CPS1: variants seen among roughly 807,000 people sequenced by gnomAD.
The protein encoded by CPS1 is carbamoyl-phosphate synthase 1, also known as carbamoyl-phosphate synthase [ammonia], mitochondrial.
A neutral mutation model predicts 174.6 loss-of-function variants in CPS1; 109 were observed. The observed-to-expected ratio is 0.62, with a 90% CI of 0.53 to 0.73. The LOEUF is 0.73. Among genes scored for constraint, CPS1 ranks in the 30% least tolerant of loss-of-function variants. The pLI is 0.00. For missense variants in CPS1, 1,689 were observed against 1,821.9 expected, an observed-to-expected ratio of 0.93 and a Z score of 1.33; for synonymous variants, 637 against 632.0, an observed-to-expected ratio of 1.01 and a Z score of -0.12.
At chr2:210,591,560 G>A (rs1275719941) in intron 9 of CPS1, among the ~76,000 whole-genome samples, 1 of 151,842 alleles carries the variant, frequency 6.6e-6, no homozygotes, top group Non-Finnish European at 1.5e-5. Context: ...AACCCTTTTT[G>A]TTATGAGTGC....
At chr2:210,675,672 C>T in intron 35 of CPS1, 56 bp from the exon 36 acceptor site, 3 of 857,140 alleles carry the variant, frequency 3.5e-6, no homozygotes, top group East Asian at 2.4e-5. Flanking sequence ...TTACATGTTC[C>T]ATAAAAATAA....
At chr2:210,572,892 T>C (rs1697561916) in intron 1 of CPS1, among the ~76,000 whole-genome samples, 1 of 152,032 alleles carries the variant, frequency 6.6e-6, no homozygotes, top group African/African-American at 2.4e-5. Context: ...TGATGAGCTG[T>C]ATGGTACAAT....
At chr2:210,487,111 A>G (rs1157177395) in intron 1 of CPS1, among the ~76,000 whole-genome samples, 1 of 152,196 alleles carries the variant, frequency 6.6e-6, no homozygotes, top group East Asian at 1.9e-4. Context: ...ATTTTTTGGA[A>G]ATGAAGTATA....
Position 210,599,356 on chromosome 2 carries a change from C to CT in CPS1, c.1360-12dup. On this transcript the variant is annotated splice_polypyrimidine_tract_variant and intron_variant, in intron 13 of 37. Coordinates refer to ENST00000233072, the MANE Select transcript of CPS1 (RefSeq NM_001875.5). ...AGACCATATATTCATGTACTGGATT[C>CT]TTTTGTTTCTTTCAGGAAGAAAATG... 6.2e-7 allele frequency: 1 copy of CT among 1,610,576 alleles called. No homozygotes were observed. The highest frequency in any genetic ancestry group is 2.2e-5 in the East Asian group (1 of 44,704).
Position 210,599,438 on chromosome 2 carries a change from T to C in CPS1, c.1426T>C (p.Leu476=), listed in dbSNP as rs1445507619. 1 of 1,612,510 alleles carries C rather than the reference T, an allele frequency of 6.2e-7. No individual in the cohort carries two copies. The highest frequency in any genetic ancestry group is 2.2e-5 in the East Asian group (1 of 44,828). The change falls in exon 14 of 38, where the codon TTA becomes CTA. Residue 476 remains leucine, a synonymous_variant. Transcript: ENST00000233072. ...ATCAGTCCAGACCAATGAGGTGGGC[T>C]TAAAGCAAGCGGATACTGTCTACTT... ...IASVQTNEVG[L]KQADTVYFLP...
chr2:210,505,795 T>C (rs572655863), intron 1 of CPS1, among the ~76,000 whole-genome samples: 2 of 152,284 alleles, frequency 1.3e-5, no homozygotes, highest in South Asian at 4.1e-4. Flanking sequence ...TCATTGCTAA[T>C]ACAGCAGTCT....
intron 1 of CPS1, among the ~76,000 whole-genome samples, chr2:210,514,817 C>G (rs1393016924): frequency 6.9e-6 from 1 of 144,664 alleles, no homozygotes; most frequent in East Asian, 2.0e-4. Context: ...TAGTGTGATG[C>G]TGGTTGTGCA....
intron 21 of CPS1, among the ~76,000 whole-genome samples, chr2:210,620,047 A>T (rs1233806279): frequency 2.0e-5 from 3 of 152,118 alleles, no homozygotes; most frequent in Non-Finnish European, 4.4e-5. Context: ...ACAAGCCTGC[A>T]TGTTCTGTAC....
At chr2:210,621,529 T>C (rs1421459068) in intron 21 of CPS1, among the ~76,000 whole-genome samples, 3 of 152,148 alleles carry the variant, frequency 2.0e-5, no homozygotes, top group Non-Finnish European at 4.4e-5. Flanking sequence ...CTTTCACATA[T>C]TGTGCTCTTC....
At chr2:210,635,921 AGGGAAATAGCC>A (rs149423217) in intron 21 of CPS1, among the ~76,000 whole-genome samples, 5,943 of 152,296 alleles carry the variant, frequency 0.039, 122 homozygotes, top group Middle Eastern at 0.082. Context: ...CTGGAAATCC[AGGGAAATAGCC>A]ATTATATACA....
At chr2:210,677,468 A>G (rs893288419) in intron 37 of CPS1, among the ~76,000 whole-genome samples, 4 of 152,232 alleles carry the variant, frequency 2.6e-5, no homozygotes, top group Non-Finnish European at 4.4e-5. Context: ...ACCATATAAA[A>G]GCAACAGGTT....
At chr2:210,565,241 C>T (rs896666735) in intron 1 of CPS1, among the ~76,000 whole-genome samples, 6 of 151,960 alleles carry the variant, frequency 3.9e-5, no homozygotes, top group Non-Finnish European at 7.4e-5. Context: ...AATTTTCTAA[C>T]AAAGGAAACA....
intron 1 of CPS1, among the ~76,000 whole-genome samples, chr2:210,486,282 T>C (rs1175971792): frequency 6.6e-6 from 1 of 152,078 alleles, no homozygotes; most frequent in Non-Finnish European, 1.5e-5. Context: ...GAGATCTTTA[T>C]ATATAAGTCA....
chr2:210,558,994 A>G (rs916878037), intron 1 of CPS1, among the ~76,000 whole-genome samples: 1 of 152,118 alleles, frequency 6.6e-6, no homozygotes, highest in South Asian at 2.1e-4. Context: ...GAACTTCACA[A>G]TAGTGAATTA....
intron 21 of CPS1, chr2:210,619,211 C>T (rs1350044552): frequency 6.6e-6 from 1 of 152,058 alleles, no homozygotes; most frequent in Non-Finnish European, 1.5e-5. Context: ...TCTGGTTCCA[C>T]CCTTGTGCAT....
chr2:210,615,069 G>A (rs1699259282), intron 20 of CPS1, among the ~76,000 whole-genome samples: 1 of 151,792 alleles, frequency 6.6e-6, no homozygotes, highest in Non-Finnish European at 1.5e-5. Context: ...GGATTTGACT[G>A]TAGTCCTTTC....
intron 22 of CPS1, among the ~76,000 whole-genome samples, chr2:210,638,923 C>T (rs1199870739): frequency 6.6e-6 from 1 of 152,166 alleles, no homozygotes; most frequent in African/African-American, 2.4e-5. Context: ...ACTATTACTA[C>T]TAGTGATCCA....
intron 16 of CPS1, 64 bp downstream of exon 16, chr2:210,602,394 C>G: frequency 1.3e-6 from 2 of 1,562,836 alleles, no homozygotes; most frequent in East Asian, 2.3e-5. Flanking sequence ...ACCTTTTCAA[C>G]TAGAGAAAGT....
At chr2:210,541,787 A>C (rs1276261053) in intron 1 of CPS1, among the ~76,000 whole-genome samples, 1 of 152,166 alleles carries the variant, frequency 6.6e-6, no homozygotes, top group Non-Finnish European at 1.5e-5. Context: ...TTGTAATGTA[A>C]TGATGGTTAA....
Sources: gnomAD v4.1 joint callset for allele counts (sites outside exome capture counted in the v4.1 genomes callset) on GRCh38, gnomAD v4.1.1 for gene constraint, MANE v1.5 for transcripts, NCBI Gene and HGNC (gene_info 2026-07-23, HGNC 2026-07-21) for gene names.